CDR2: variants seen among roughly 807,000 people sequenced by gnomAD.
The protein encoded by CDR2 is cerebellar degeneration related protein 2.
Under a neutral mutation model 48.4 loss-of-function variants are expected in CDR2, and 34 were observed. The observed-to-expected ratio is 0.70, with a 90% CI of 0.53 to 0.94. The LOEUF (loss-of-function observed/expected upper bound fraction) is 0.94, where lower values mean the gene tolerates loss of function less well. CDR2 is among the 40% of genes least tolerant of loss of function. The probability of loss-of-function intolerance (pLI) is 0.00; values close to 1 mark genes in which losing one functional copy is unlikely to be tolerated. For missense variants in CDR2, 498 were observed against 549.5 expected (o/e 0.91, Z 0.94); for synonymous variants, 240 against 219.7 (o/e 1.09, Z -0.82).
chr16:22,350,299 T>C (rs1241404414), intron 2 of CDR2, among the ~76,000 whole-genome samples: 1 of 152,180 alleles, frequency 6.6e-6, no homozygotes, highest in Non-Finnish European at 1.5e-5. Context: ...ATCTCTGGGC[T>C]CACTGGCCTC....
In CDR2 at chr16:22,347,576, C is replaced by G. The variant is rs1389496564; in HGVS notation, c.754G>C (p.Ala252Pro). 1.5e-5 allele frequency: 25 copies of G among 1,614,048 alleles called. No homozygotes were observed. The highest frequency in any genetic ancestry group is 8.3e-5 in the Admixed American group (5 of 60,006). Reference protein sequence around the residue: ...AYRARALELEAEVAEMRQMLQ... With the variant: ...AYRARALELEPEVAEMRQMLQ... Reference sequence around the variant, plus strand: ...ATCTGTCGCATCTCTGCCACCTCGGCCTCTAGTTCCAGCGCCCGTGCTCGG... The same window carrying G: ...ATCTGTCGCATCTCTGCCACCTCGGGCTCTAGTTCCAGCGCCCGTGCTCGG... Residue 252 changes from alanine to proline, a missense_variant, in exon 5 of 5, where the codon GCC (alanine) becomes CCC (proline). Transcript: ENST00000268383.
rs1046015555 is a variant in CDR2 at position 22,346,136 on chromosome 16, C to G, written c.*829G>C. On this transcript the variant is annotated 3_prime_UTR_variant, in exon 5 of 5. Transcript: ENST00000268383. ...AGGAATGGTAAGAACTCTGCAAGAGCAGCTTGTGGCTGGCAAGTCAGCCAG... is the reference window on the plus strand; with the variant it reads ...AGGAATGGTAAGAACTCTGCAAGAGGAGCTTGTGGCTGGCAAGTCAGCCAG... The G allele has an allele frequency of 6.6e-6, 1 of 152,468 alleles. No homozygotes were observed. Among genetic ancestry groups the G allele is most frequent in the East Asian group, 1.9e-4 (1 of 5,204 alleles). 9.4% of individuals were successfully genotyped at this position (152,468 alleles called of 1,614,324 possible). A position where few individuals can be genotyped will look rare whatever the true frequency, so the allele number is the denominator to read the frequency against.
At chr16:22,360,830 A>G (rs796733440) in intron 2 of CDR2, among the ~76,000 whole-genome samples, 3 of 127,546 alleles carry the variant, frequency 2.4e-5, no homozygotes, top group African/African-American at 9.1e-5. Context: ...GCTCACTGTG[A>G]CCTCCGCCCT....
In CDR2 at chr16:22,346,891, C is replaced by CT; in HGVS notation, c.*73dup. On this transcript the variant is annotated 3_prime_UTR_variant, in exon 5 of 5. Transcript: ENST00000268383. ...CATGAGTAACATTAGGCTTCAGAGT[C>CT]TACAAACACTTGTCTGAATGGGAGA... 6.7e-7 allele frequency: 1 copy of CT among 1,490,476 alleles called. No homozygotes were observed. The allele number at this position is 1,490,476 out of a possible 1,614,324, so 92.3% of individuals were successfully genotyped here.
chr16:22,370,537 A>G (rs1398647222), intron 1 of CDR2, among the ~76,000 whole-genome samples: 1 of 152,174 alleles, frequency 6.6e-6, no homozygotes, highest in Non-Finnish European at 1.5e-5. Context: ...CCTTGTTCTC[A>G]GGGGCATGTT....
rs749416692 is a variant in CDR2 at position 22,347,664 on chromosome 16, T to C, written c.666A>G (p.Glu222=). The C allele has an allele frequency of 1.2e-5, 19 of 1,614,002 alleles. No homozygotes were observed. The highest frequency in any genetic ancestry group is 1.1e-4 in the East Asian group (5 of 44,886). Residue 222 remains glutamate (E), a synonymous_variant, in exon 5 of 5, where the codon GAA becomes GAG. Coordinates refer to ENST00000268383, the MANE Select transcript of CDR2 (RefSeq NM_001802.2). ...ERQKRVTMEE[E]YGLVLKENSE... ...TGTTCTCCTTTAACACGAGCCCATA[T>C]TCCTCCTCCATAGTCACCCGCTTCT...
At chr16:22,365,916 C>G (rs1227764400) in intron 1 of CDR2, among the ~76,000 whole-genome samples, 1 of 152,158 alleles carries the variant, frequency 6.6e-6, no homozygotes, top group Non-Finnish European at 1.5e-5. Context: ...TACCAGAACA[C>G]TTTCAATATG....
intron 2 of CDR2, among the ~76,000 whole-genome samples, chr16:22,350,145 C>T (rs1050553372): frequency 7.9e-5 from 12 of 151,620 alleles, no homozygotes; most frequent in South Asian, 2.1e-4. Flanking sequence ...GCCGAGATGG[C>T]GCCATTGCAC....
intron 1 of CDR2, 90 bp downstream of exon 1, chr16:22,374,138 TCCG>T: frequency 1.2e-6 from 1 of 806,522 alleles, no homozygotes; most frequent in Non-Finnish European, 2.0e-6. Context: ...ACCTGCATCC[TCCG>T]CCGCCACAAA....
chr16:22,367,624 T>G (rs2049051874), intron 1 of CDR2, among the ~76,000 whole-genome samples: 1 of 152,214 alleles, frequency 6.6e-6, no homozygotes, highest in African/African-American at 2.4e-5. Context: ...TTAAACTTAA[T>G]TTTTAGAGGT....
intron 2 of CDR2, among the ~76,000 whole-genome samples, chr16:22,360,739 C>CT (rs201976962): frequency 0.051 from 3,814 of 74,092 alleles, 924 homozygotes; most frequent in Non-Finnish European, 0.06. Context: ...AAAAAATGAT[C>CT]TTTTTTTTTT....
chr16:22,347,948 T>C (rs1160544662), intron 4 of CDR2, 125 bp from the exon 5 acceptor site: 2 of 884,798 alleles, frequency 2.3e-6, no homozygotes, highest in East Asian at 2.8e-5. Context: ...TTTTTTTTTC[T>C]TTTTTTTTGA....
chr16:22,361,109 A>G (rs2049008154), intron 2 of CDR2, among the ~76,000 whole-genome samples: 1 of 152,218 alleles, frequency 6.6e-6, no homozygotes, highest in African/African-American at 2.4e-5. Context: ...TAAAACTTGT[A>G]CAAGTGATTC....
chr16:22,365,844 T>C (rs559048714), intron 1 of CDR2, among the ~76,000 whole-genome samples: 5 of 152,298 alleles, frequency 3.3e-5, no homozygotes, highest in Middle Eastern at 6.8e-3. Context: ...GAGCAGTCCT[T>C]TGATACAGTG....
At chr16:22,350,999 G>A (rs892950220) in intron 2 of CDR2, among the ~76,000 whole-genome samples, 2 of 152,076 alleles carry the variant, frequency 1.3e-5, no homozygotes, top group Non-Finnish European at 1.5e-5. Context: ...TTTACATTAG[G>A]TATTTCTCCT....
intron 4 of CDR2, among the ~76,000 whole-genome samples, chr16:22,348,267 G>A (rs866561406): frequency 3.9e-5 from 6 of 152,132 alleles, no homozygotes; most frequent in Non-Finnish European, 5.9e-5. Context: ...CACACTTGGA[G>A]CAGTGGCTAA....
chr16:22,362,504 C>T (rs2049016951), intron 2 of CDR2, among the ~76,000 whole-genome samples: 1 of 152,108 alleles, frequency 6.6e-6, no homozygotes, highest in Non-Finnish European at 1.5e-5. Flanking sequence ...AAAATAAGTA[C>T]CAGTTATAGT....
intron 2 of CDR2, among the ~76,000 whole-genome samples, chr16:22,356,290 C>G (rs1228231706): frequency 6.6e-6 from 1 of 152,108 alleles, no homozygotes; most frequent in Non-Finnish European, 1.5e-5. Flanking sequence ...ATCCTTCTGG[C>G]CTCATTTCAA....
At chr16:22,368,739 CG>C (rs1295738571) in intron 1 of CDR2, 3 of 152,134 alleles carry the variant, frequency 2.0e-5, no homozygotes, top group African/African-American at 7.2e-5. Flanking sequence ...AAGAGAGGTC[CG>C]CAGGCTTCTT....
Sources: gnomAD v4.1 joint callset for allele counts (sites outside exome capture counted in the v4.1 genomes callset) on GRCh38, gnomAD v4.1.1 for gene constraint, MANE v1.5 for transcripts, NCBI Gene and HGNC (gene_info 2026-07-23, HGNC 2026-07-21) for gene names.